The following RFTN1 variants were observed in gnomAD, a reference collection of about 807,000 sequenced individuals.
RFTN1 encodes the protein raftlin, lipid raft linker 1.
Under a neutral mutation model 46.5 loss-of-function variants are expected in RFTN1, and 26 were observed. That is an observed-to-expected ratio of 0.56 (90% CI 0.41 to 0.78). RFTN1 has a LOEUF of 0.78. Ranked by LOEUF, RFTN1 falls within the 30% of genes least tolerant of loss-of-function variation. The pLI is 0.00. For synonymous variants in RFTN1, 261 were observed against 284.2 expected (o/e 0.92, Z 0.82); for missense variants, 693 against 718.7 (o/e 0.96, Z 0.41).
At position 16,382,364 on chromosome 3, in the gene RFTN1, T is replaced by G. The variant is rs1965431; in HGVS notation, c.442-4262A>C. 0.2 allele frequency among the ~76,000 whole-genome samples: 30,758 copies of G among 152,026 alleles called. 3,365 individuals are homozygous for G. The highest frequency in any genetic ancestry group is 0.28 in the Admixed American group (4,277 of 15,266). On this transcript the variant is annotated intron_variant, in intron 4 of 9. Coordinates refer to ENST00000334133, the MANE Select transcript of RFTN1 (RefSeq NM_015150.2). The surrounding 1 kb of genome is among the most constrained non-coding windows in gnomAD (Gnocchi z 4.7). ...AGACACTTTCCTCTTTTTCAGAAAG[T>G]CATTTGACCGTGTACTTATGGCTAA...
chr3:16,414,484 A>G (rs556210504), intron 3 of RFTN1, among the ~76,000 whole-genome samples: 28 of 151,942 alleles, frequency 1.8e-4, no homozygotes, highest in African/African-American at 6.3e-4. Context: ...GTGCACGCCT[A>G]TAATTCCAGC....
chr3:16,393,282 G>A (rs926748398), intron 4 of RFTN1, among the ~76,000 whole-genome samples: 1 of 152,136 alleles, frequency 6.6e-6, no homozygotes, highest in Admixed American at 6.5e-5. Context: ...TTTGAAGGAG[G>A]TGAAGGAATC....
rs1052549367 is a variant in RFTN1 at position 16,448,790 on chromosome 3, A to G, written c.146-14753T>C. On this transcript the variant is annotated intron_variant, in intron 2 of 9. Transcript: ENST00000334133. This position sits in a 1 kb window ranked among gnomAD's most constrained non-coding sequence, Gnocchi z 4.1. ...AACATCCTCCTGAGTCACAAGTCTC[A>G]CCCCATGCGGGGATTACAGGCTGCG... 6.6e-6 allele frequency among the ~76,000 whole-genome samples: 1 copy of G among 152,068 alleles called. No individual in the cohort carries two copies. The highest frequency in any genetic ancestry group is 6.6e-5 in the Admixed American group (1 of 15,250).
rs1427145501 is a variant in RFTN1 at position 16,451,706 on chromosome 3, G to T, written c.146-17669C>A. Among the ~76,000 whole-genome samples the T allele has an allele frequency of 6.6e-6, 1 of 152,088 alleles. No individual in the cohort carries two copies. The highest frequency in any genetic ancestry group is 1.9e-4 in the East Asian group (1 of 5,194). On this transcript the variant is annotated intron_variant, in intron 2 of 9. Transcript: ENST00000334133. The surrounding 1 kb of genome is among the most constrained non-coding windows in gnomAD (Gnocchi z 4.2). Reference sequence around the variant, plus strand: ...TGTGGCCATAACTTTTGCAGCCTGAGGTGTGACAGCAAAACTACTAGCGTG... The same window carrying T: ...TGTGGCCATAACTTTTGCAGCCTGATGTGTGACAGCAAAACTACTAGCGTG...
At position 16,429,805 on chromosome 3, in the gene RFTN1, C is replaced by T. The variant is rs559450495; in HGVS notation, c.332+4046G>A. Among the ~76,000 whole-genome samples the T allele has an allele frequency of 1.1e-3, 165 of 152,274 alleles. No individual in the cohort carries two copies. Among genetic ancestry groups the T allele is most frequent in the African/African-American group, 3.8e-3 (156 of 41,546 alleles). Reference sequence around the variant, plus strand: ...CCCTCCAAACACATTAGGTTGATATCGAAGTTTCACAGAGTCATCTCATGG... The same window carrying T: ...CCCTCCAAACACATTAGGTTGATATTGAAGTTTCACAGAGTCATCTCATGG... On this transcript the variant is annotated intron_variant, in intron 3 of 9. Coordinates refer to ENST00000334133, the MANE Select transcript of RFTN1 (RefSeq NM_015150.2). The surrounding 1 kb of genome is among the most constrained non-coding windows in gnomAD (Gnocchi z 6.4).
rs2075605224 is a variant in RFTN1, at chr3:16,440,747, T to G, written c.146-6710A>C. On this transcript the variant is annotated intron_variant, in intron 2 of 9. Coordinates refer to ENST00000334133, the MANE Select transcript of RFTN1 (RefSeq NM_015150.2). The surrounding 1 kb of genome is among the most constrained non-coding windows in gnomAD (Gnocchi z 4.6). ...TCTTACTTTCAAGAAGTCAGAAATC[T>G]TAATCTTCCTAATCTTTAAATGTGA... 6.6e-6 allele frequency among the ~76,000 whole-genome samples: 1 copy of G among 152,220 alleles called. No homozygotes were observed. The highest frequency in any genetic ancestry group is 1.5e-5 in the Non-Finnish European group (1 of 68,036).
Position 16,413,936 on chromosome 3 carries a change from C to T in RFTN1, c.333-4453G>A, listed in dbSNP as rs1466861681. 1.1e-4 allele frequency among the ~76,000 whole-genome samples: 17 copies of T among 152,148 alleles called. No individual in the cohort carries two copies. Among genetic ancestry groups the T allele is most frequent in the Admixed American group, 8.5e-4 (13 of 15,272 alleles). On this transcript the variant is annotated intron_variant, in intron 3 of 9. Transcript: ENST00000334133. The surrounding 1 kb of genome is among the most constrained non-coding windows in gnomAD (Gnocchi z 4.7). The stretch of plus-strand genomic sequence containing the variant: ...TTTCACTAATGAATGGGATATTATA[C>T]GGAGCTACCTCTTAACATTGCTGTA...
chr3:16,493,587 GC>G (rs2076576899), intron 2 of RFTN1, 137 bp downstream of exon 2: 1 of 785,706 alleles, frequency 1.3e-6, no homozygotes, highest in Non-Finnish European at 2.0e-6. Flanking sequence ...TCTGTAAGCC[GC>G]CCCCTTGAGA....
Position 16,475,392 on chromosome 3 carries a change from A to T in RFTN1, c.145+18333T>A, listed in dbSNP as rs976355511. On this transcript the variant is annotated intron_variant, in intron 2 of 9. Coordinates refer to ENST00000334133, the MANE Select transcript of RFTN1 (RefSeq NM_015150.2). The surrounding 1 kb of genome is among the most constrained non-coding windows in gnomAD (Gnocchi z 4.2). The stretch of plus-strand genomic sequence containing the variant: ...ATTTGGAGCTGCTGGTTCCCAAGAG[A>T]GGAATGCTTCCTCCAGGAGACACTG... Among the ~76,000 whole-genome samples the T allele has an allele frequency of 3.3e-5, 5 of 152,230 alleles. No individual in the cohort carries two copies. The highest frequency in any genetic ancestry group is 1.2e-4 in the African/African-American group (5 of 41,458).
intron 6 of RFTN1, among the ~76,000 whole-genome samples, chr3:16,362,505 T>G (rs1229705399): frequency 1.3e-5 from 2 of 152,178 alleles, no homozygotes; most frequent in Non-Finnish European, 2.9e-5. Context: ...GGAGTCCATC[T>G]GGAGCCCCTA....
At chr3:16,437,438 C>T (rs185702065) in intron 2 of RFTN1, among the ~76,000 whole-genome samples, 7 of 152,144 alleles carry the variant, frequency 4.6e-5, no homozygotes, top group East Asian at 1.9e-4. Context: ...CAAGGAGAAT[C>T]GCTTGAGCCC....
chr3:16,330,074 G>A (rs1290315492), intron 7 of RFTN1, among the ~76,000 whole-genome samples: 1 of 152,174 alleles, frequency 6.6e-6, no homozygotes, highest in African/African-American at 2.4e-5. Context: ...CCCCCTCAGG[G>A]TAGGAGATGT....
chr3:16,476,419 A>G (rs2124959828), intron 2 of RFTN1, among the ~76,000 whole-genome samples: 1 of 152,360 alleles, frequency 6.6e-6, no homozygotes, highest in South Asian at 2.1e-4. Flanking sequence ...TGGTTGGAGG[A>G]CATGGTAAAT....
intron 2 of RFTN1, chr3:16,434,729 T>C (rs1477690504): frequency 1.3e-5 from 2 of 151,814 alleles, no homozygotes; most frequent in Non-Finnish European, 2.9e-5. Flanking sequence ...ATAAAAATAC[T>C]AGGTGGCAAA....
chr3:16,328,664 C>G (rs1323003369), intron 7 of RFTN1, among the ~76,000 whole-genome samples: 2 of 152,214 alleles, frequency 1.3e-5, no homozygotes. Flanking sequence ...GTTAGAAGCC[C>G]AGATTCTCAG....
At chr3:16,409,993 TA>T (rs1252372555) in intron 3 of RFTN1, among the ~76,000 whole-genome samples, 10 of 105,310 alleles carry the variant, frequency 9.5e-5, no homozygotes, top group African/African-American at 1.7e-4. Context: ...AGACGCAGAA[TA>T]TTTTTTTTTT....
intron 4 of RFTN1, among the ~76,000 whole-genome samples, chr3:16,386,663 A>G (rs965416660): frequency 1.3e-5 from 2 of 152,238 alleles, no homozygotes; most frequent in Non-Finnish European, 2.9e-5. Context: ...TCTGAAGGCA[A>G]TGAGATGCCA....
intron 2 of RFTN1, among the ~76,000 whole-genome samples, chr3:16,441,299 TAAAAA>T (rs59877269): frequency 1.1e-4 from 5 of 47,554 alleles, no homozygotes; most frequent in Non-Finnish European, 2.0e-4. Context: ...TTCCAAGAAC[TAAAAA>T]AAAAAAAAAA....
rs1472682459 is a variant in RFTN1, at chr3:16,322,080, T to C, written c.1332+1296A>G. ...CGTGCTGTGTGTTGAATGTTGCACT[T>C]GCTGAATGCATGCAGTTCCCGTGAG... is the stretch of plus-strand genomic sequence containing the variant. On this transcript the variant is annotated intron_variant, in intron 9 of 9. Transcript: ENST00000334133. The surrounding 1 kb of genome is among the most constrained non-coding windows in gnomAD (Gnocchi z 6.2). Among the ~76,000 whole-genome samples the C allele has an allele frequency of 2.0e-5, 3 of 152,196 alleles. No individual in the cohort carries two copies. Among genetic ancestry groups the C allele is most frequent in the Non-Finnish European group, 4.4e-5 (3 of 68,032 alleles).
Sources: gnomAD v4.1 joint callset for allele counts (sites outside exome capture counted in the v4.1 genomes callset) on GRCh38, gnomAD v4.1.1 for gene constraint, Gnocchi (gnomAD v3.1) non-coding constraint, MANE v1.5 for transcripts, NCBI Gene and HGNC (gene_info 2026-07-23, HGNC 2026-07-21) for gene names.